The following SLC6A2 variants were observed in gnomAD, a reference collection of about 807,000 sequenced individuals.
SLC6A2 encodes the protein solute carrier family 6 member 2, also known as sodium-dependent noradrenaline transporter.
SLC6A2 carries 26 observed loss-of-function variants against 71.7 expected under a neutral mutation model. The observed-to-expected ratio is 0.36, with a 90% confidence interval of 0.27 to 0.50. The LOEUF is 0.50. Ranked by LOEUF, SLC6A2 falls within the 20% of genes least tolerant of loss-of-function variation. The pLI is 0.96. For missense variants in SLC6A2, 581 were observed against 803.9 expected (o/e 0.72, Z 3.35); for synonymous variants, 363 against 337.9 (o/e 1.07, Z -0.82).
At position 55,698,457 on chromosome 16, in the gene SLC6A2, T is replaced by C; in HGVS notation, c.1390-12T>C. The C allele has an allele frequency of 6.2e-7, 1 of 1,603,260 alleles. No individual in the cohort carries two copies. The highest frequency in any genetic ancestry group is 1.3e-5 in the African/African-American group (1 of 74,850). On this transcript the variant is annotated splice_polypyrimidine_tract_variant and intron_variant, in intron 10 of 14. Transcript: ENST00000568943. ...AAAGAGGGCCTCTTGGCTTCTTCTC[T>C]CCCTGTGCCAGGGTGGAATTTACGT...
chr16:55,669,830 A>T, intron 3 of SLC6A2, 134 bp downstream of exon 3: 1 of 951,370 alleles, frequency 1.1e-6, no homozygotes, highest in Non-Finnish European at 1.7e-6. Context: ...CAAGGTCAAC[A>T]GTGTCCCCCA....
Position 55,656,581 on chromosome 16 carries a change from C to G in SLC6A2, c.-51-63C>G. On this transcript the variant is annotated intron_variant, in intron 1 of 14. Coordinates refer to ENST00000568943, the MANE Select transcript of SLC6A2 (RefSeq NM_001172501.3). This position sits in a 1 kb window ranked among gnomAD's most constrained non-coding sequence, Gnocchi z 4.5. ...AGTGTCTAAGGCGCTCCCGGGTGGTCTTGGGAGTTGCAAGTAGGGAGGAAC... is the reference window on the plus strand; with the variant it reads ...AGTGTCTAAGGCGCTCCCGGGTGGTGTTGGGAGTTGCAAGTAGGGAGGAAC... 7.3e-7 allele frequency: 1 copy of G among 1,372,802 alleles called. No homozygotes were observed. The highest frequency in any genetic ancestry group is 1.0e-6 in the Non-Finnish European group (1 of 972,076). The allele number at this position is 1,372,802 out of a possible 1,614,324, so 85.0% of individuals were successfully genotyped here.
intron 7 of SLC6A2, 114 bp from the exon 8 acceptor site, chr16:55,695,164 G>C (rs958173052): frequency 1.0e-5 from 13 of 1,242,844 alleles, no homozygotes; most frequent in South Asian, 7.2e-5. Flanking sequence ...GCCACTGAAG[G>C]GGGGATGGCC....
At chr16:55,666,452 G>T (rs1476712740) in intron 2 of SLC6A2, among the ~76,000 whole-genome samples, 1 of 152,186 alleles carries the variant, frequency 6.6e-6, no homozygotes, top group African/African-American at 2.4e-5. Context: ...AACTCTCCCA[G>T]GTTTCCTTCT....
intron 2 of SLC6A2, among the ~76,000 whole-genome samples, chr16:55,661,513 T>G (rs1279035135): frequency 6.6e-6 from 1 of 152,182 alleles, no homozygotes; most frequent in African/African-American, 2.4e-5. Flanking sequence ...TAGTCATTAG[T>G]ATTTTGTTAT....
intron 10 of SLC6A2, among the ~76,000 whole-genome samples, chr16:55,698,252 G>C (rs1406473747): frequency 1.3e-5 from 2 of 152,096 alleles, no homozygotes; most frequent in African/African-American, 2.4e-5. Flanking sequence ...TGACTTGAGG[G>C]GCAGCAAAAG....
chr16:55,685,360 T>C (rs377626316), intron 5 of SLC6A2, 79 bp downstream of exon 5: 1 of 1,453,564 alleles, frequency 6.9e-7, no homozygotes, highest in African/African-American at 1.4e-5. Context: ...AATAATTATG[T>C]AGCTGGTGGA....
In SLC6A2 at chr16:55,703,146, C is replaced by A; in HGVS notation, c.*800C>A. Reference sequence around the variant, plus strand: ...GAGGCCACGTGGCAAGCCACATCTACTGAGGCCTCATGCTGCTCTTGCTCT... The same window carrying A: ...GAGGCCACGTGGCAAGCCACATCTAATGAGGCCTCATGCTGCTCTTGCTCT... On this transcript the variant is annotated 3_prime_UTR_variant, in exon 15 of 15. Coordinates refer to ENST00000568943, the MANE Select transcript of SLC6A2 (RefSeq NM_001172501.3). The A allele has an allele frequency of 1.0e-6, 1 of 985,648 alleles. No individual in the cohort carries two copies. Among genetic ancestry groups the A allele is most frequent in the Non-Finnish European group, 1.2e-6 (1 of 830,100 alleles). 61.1% of individuals were successfully genotyped at this position (985,648 alleles called of 1,614,324 possible). A position where few individuals can be genotyped will look rare whatever the true frequency, so the allele number is the denominator to read the frequency against.
At chr16:55,701,718 G>A in intron 13 of SLC6A2, 145 bp from the exon 14 acceptor site, 1 of 721,392 alleles carries the variant, frequency 1.4e-6, no homozygotes, top group Non-Finnish European at 2.6e-6. Context: ...AACAAAGCTG[G>A]AGGTGTCTTG....
chr16:55,679,785 A>G (rs573099690), intron 4 of SLC6A2, among the ~76,000 whole-genome samples: 1 of 152,292 alleles, frequency 6.6e-6, no homozygotes, highest in Non-Finnish European at 1.5e-5. Flanking sequence ...CTGGGGTGAA[A>G]GGCAGGGTGT....
chr16:55,704,960 C>T lies in SLC6A2; in HGVS notation c.*2614C>T, dbSNP rs1966071800. The T allele has an allele frequency of 2.9e-6, 1 of 339,542 alleles. No homozygotes were observed. Among genetic ancestry groups the T allele is most frequent in the East Asian group, 4.8e-5 (1 of 20,938 alleles). 21.0% of individuals were successfully genotyped at this position (339,542 alleles called of 1,614,324 possible). On this transcript the variant is annotated 3_prime_UTR_variant, in exon 15 of 15. Transcript: ENST00000568943. ...TCATTTGGGTTTACCTTTCCACCCA[C>T]ATTTAATGGAGAGAGAGTATGGGCT... is the stretch of plus-strand genomic sequence containing the variant.
At chr16:55,691,168 G>A (rs910944130) in intron 5 of SLC6A2, among the ~76,000 whole-genome samples, 17 of 146,146 alleles carry the variant, frequency 1.2e-4, no homozygotes, top group Non-Finnish European at 2.4e-4. Context: ...TGAGGGAGGG[G>A]AGAGCAAGAA....
chr16:55,703,280 C>T lies in SLC6A2; in HGVS notation c.*934C>T. On this transcript the variant is annotated 3_prime_UTR_variant, in exon 15 of 15. Coordinates refer to ENST00000568943, the MANE Select transcript of SLC6A2 (RefSeq NM_001172501.3). Reference sequence around the variant, plus strand: ...GTGTGTCTTCACCGTGCTGTCCTCACAAGGCCAGGTGGGTGCCCAAAGGGA... The same window carrying T: ...GTGTGTCTTCACCGTGCTGTCCTCATAAGGCCAGGTGGGTGCCCAAAGGGA... 2 of 985,498 alleles carry T rather than the reference C, an allele frequency of 2.0e-6. No individual in the cohort carries two copies. The highest frequency in any genetic ancestry group is 2.4e-6 in the Non-Finnish European group (2 of 829,962). 61.0% of individuals were successfully genotyped at this position (985,498 alleles called of 1,614,324 possible). A position where few individuals can be genotyped will look rare whatever the true frequency, so the allele number is the denominator to read the frequency against.
At chr16:55,698,640 G>A in intron 11 of SLC6A2, 72 bp downstream of exon 11, 1 of 1,066,126 alleles carries the variant, frequency 9.4e-7, no homozygotes, top group Non-Finnish European at 1.5e-6. Flanking sequence ...GTGCAGGGAG[G>A]CCTTCCATTT....
chr16:55,695,418 ACCTGGGCCCCAGCCCACTGAGGCGGG>A lies in SLC6A2; in HGVS notation c.1147+17_1147+42del. On this transcript the variant is annotated intron_variant, in intron 8 of 14. Coordinates refer to ENST00000568943, the MANE Select transcript of SLC6A2 (RefSeq NM_001172501.3). ...GCCACAGAAGGTGGGTGGGCAGCCCACCTGGGCCCCAGCCCACTGAGGCGGGAGCTGAGAAGCCCACCTTATTCTTG... is the reference window on the plus strand; with the variant it reads ...GCCACAGAAGGTGGGTGGGCAGCCCAAGCTGAGAAGCCCACCTTATTCTTG... The A allele has an allele frequency of 6.2e-7, 1 of 1,614,002 alleles. No homozygotes were observed.
In SLC6A2 at chr16:55,703,807, ATTGGGGTGTTG is replaced by A; in HGVS notation, c.*1465_*1475del. On this transcript the variant is annotated 3_prime_UTR_variant, in exon 15 of 15. Transcript: ENST00000568943. The stretch of plus-strand genomic sequence containing the variant: ...ACGTCAAGAAGGTGCTTTGCCTCAA[ATTGGGGTGTTG>A]TTGAGCCTGGTGGTTCCTGCATGAA... 1 of 985,314 alleles carries A rather than the reference ATTGGGGTGTTG, an allele frequency of 1.0e-6. No individual in the cohort carries two copies. 61.0% of individuals were successfully genotyped at this position (985,314 alleles called of 1,614,324 possible). A position where few individuals can be genotyped will look rare whatever the true frequency, so the allele number is the denominator to read the frequency against.
chr16:55,683,646 A>C (rs1178093574), intron 4 of SLC6A2, among the ~76,000 whole-genome samples: 1 of 152,070 alleles, frequency 6.6e-6, no homozygotes, highest in Non-Finnish European at 1.5e-5. Flanking sequence ...ACGAAACAAA[A>C]CAAAACAAAA....
At chr16:55,697,002 A>G (rs1276897837) in intron 9 of SLC6A2, among the ~76,000 whole-genome samples, 1 of 152,202 alleles carries the variant, frequency 6.6e-6, no homozygotes, top group Non-Finnish European at 1.5e-5. Flanking sequence ...TCAAAACCCA[A>G]ACGAACAAAC....
At position 55,705,516 on chromosome 16, in the gene SLC6A2, T is replaced by G. The variant is rs1966082553; in HGVS notation, c.*3170T>G. The G allele has an allele frequency of 2.4e-6, 1 of 425,446 alleles. No homozygotes were observed. 26.4% of individuals were successfully genotyped at this position (425,446 alleles called of 1,614,324 possible). A position where few individuals can be genotyped will look rare whatever the true frequency, so the allele number is the denominator to read the frequency against. ...GTGGCGGAAAAAGCACAGCATATAG[T>G]TTTACAGACTTGGGTCTGCAGCTGA... On this transcript the variant is annotated 3_prime_UTR_variant, in exon 15 of 15. Transcript: ENST00000568943.
Sources: gnomAD v4.1 joint callset for allele counts (sites outside exome capture counted in the v4.1 genomes callset) on GRCh38, gnomAD v4.1.1 for gene constraint, Gnocchi (gnomAD v3.1) non-coding constraint, MANE v1.5 for transcripts, NCBI Gene and HGNC (gene_info 2026-07-23, HGNC 2026-07-21) for gene names.